The following NRXN1 variants were observed in gnomAD, a reference collection of about 807,000 sequenced individuals.
The protein encoded by NRXN1 is neurexin-1.
NRXN1 carries 39 observed loss-of-function variants against 150.9 expected under a neutral mutation model. That is an observed-to-expected ratio of 0.26 (90% CI 0.20 to 0.34). The LOEUF (loss-of-function observed/expected upper bound fraction) is 0.34. NRXN1 is among the 10% of genes least tolerant of loss of function. The pLI, the probability that NRXN1 is intolerant of heterozygous loss-of-function variation, is 1.00. For synonymous variants in NRXN1, 924 were observed against 757.0 expected, an observed-to-expected ratio of 1.22 and a Z score of -3.62; for missense variants, 1,815 against 1,949.9, an observed-to-expected ratio of 0.93 and a Z score of 1.30.
intron 8 of NRXN1, among the ~76,000 whole-genome samples, chr2:50,582,043 T>C (rs28470279): frequency 6.6e-6 from 1 of 152,178 alleles, no homozygotes; most frequent in African/African-American, 2.4e-5. Flanking sequence ...TAGTGAAATC[T>C]GTTTGAGAAC....
At chr2:50,430,307 T>C (rs1306473244) in intron 17 of NRXN1, among the ~76,000 whole-genome samples, 1 of 151,496 alleles carries the variant, frequency 6.6e-6, no homozygotes, top group Non-Finnish European at 1.5e-5. Flanking sequence ...TAATTTCACT[T>C]TAATCTCAAT....
chr2:50,976,701 G>C (rs1695899757), intron 2 of NRXN1, among the ~76,000 whole-genome samples: 1 of 151,906 alleles, frequency 6.6e-6, no homozygotes, highest in Non-Finnish European at 1.5e-5. Context: ...ATTTCAGTAA[G>C]ATGAAAATTG....
At chr2:50,681,326 T>C (rs1470515742) in intron 5 of NRXN1, among the ~76,000 whole-genome samples, 1 of 152,228 alleles carries the variant, frequency 6.6e-6, no homozygotes, top group Non-Finnish European at 1.5e-5. Context: ...GGAAATTGAA[T>C]GATCTTGATC....
chr2:50,287,512 G>A (rs1277042142), intron 17 of NRXN1, among the ~76,000 whole-genome samples: 3 of 151,908 alleles, frequency 2.0e-5, no homozygotes, highest in Non-Finnish European at 4.4e-5. Context: ...AGATCACATT[G>A]TCTGAATATT....
intron 8 of NRXN1, chr2:50,588,946 T>C (rs1217702538): frequency 1.3e-5 from 2 of 152,152 alleles, no homozygotes; most frequent in East Asian, 3.9e-4. Context: ...GGAAACCAAT[T>C]GATTTCATAG....
chr2:50,983,619 G>T (rs907156819), intron 2 of NRXN1, among the ~76,000 whole-genome samples: 2 of 152,012 alleles, frequency 1.3e-5, no homozygotes, highest in African/African-American at 4.8e-5. Context: ...ACATTTATTT[G>T]CCTACATACA....
At chr2:50,119,996 G>T (rs934653786) in intron 18 of NRXN1, among the ~76,000 whole-genome samples, 1 of 152,188 alleles carries the variant, frequency 6.6e-6, no homozygotes, top group African/African-American at 2.4e-5. Context: ...TTTAACACGT[G>T]TACCCAATTA....
At chr2:50,250,075 T>C (rs1261095976) in intron 17 of NRXN1, among the ~76,000 whole-genome samples, 1 of 152,198 alleles carries the variant, frequency 6.6e-6, no homozygotes, top group Non-Finnish European at 1.5e-5. Flanking sequence ...TTCTTACCTC[T>C]TAATTTAAAT....
intron 17 of NRXN1, among the ~76,000 whole-genome samples, chr2:50,450,878 T>A (rs1451650974): frequency 6.6e-6 from 1 of 152,210 alleles, no homozygotes; most frequent in East Asian, 1.9e-4. Context: ...GATAACCTCA[T>A]GAAAAGTTAC....
At chr2:50,730,133 T>G (rs1002383891) in intron 5 of NRXN1, among the ~76,000 whole-genome samples, 1 of 152,184 alleles carries the variant, frequency 6.6e-6, no homozygotes, top group Non-Finnish European at 1.5e-5. Context: ...GAAGAGTTTT[T>G]TTTCACATTT....
In NRXN1 at chr2:50,872,167, A is replaced by G. The variant is rs557864091; in HGVS notation, c.832+49702T>C. On this transcript the variant is annotated intron_variant, in intron 5 of 22. Coordinates refer to ENST00000401669, the MANE Select transcript of NRXN1 (RefSeq NM_001330078.2). ...TTAGTTACTCTTTTATATATTTTTC[A>G]TATTTCTTCTTTATATATAATGTGA... is the stretch of plus-strand genomic sequence containing the variant. Among the ~76,000 whole-genome samples the G allele has an allele frequency of 7.2e-5, 11 of 151,796 alleles. No homozygotes were observed. In the South Asian group the frequency reaches 2.3e-3, roughly 32 times the overall value.
At chr2:50,732,255 AG>A (rs1698191930) in intron 5 of NRXN1, among the ~76,000 whole-genome samples, 1 of 152,184 alleles carries the variant, frequency 6.6e-6, no homozygotes, top group Non-Finnish European at 1.5e-5. Flanking sequence ...CTAAGTAAAA[AG>A]GAAAGAAGTC....
chr2:50,644,135 T>C (rs532598719), intron 5 of NRXN1, among the ~76,000 whole-genome samples: 1 of 151,786 alleles, frequency 6.6e-6, no homozygotes, highest in South Asian at 2.1e-4. Context: ...AAGATTTTTA[T>C]ATTCCTAGGA....
At position 50,512,081 on chromosome 2, in the gene NRXN1, T is replaced by TA. The variant is rs548444639; in HGVS notation, c.2375-5465dup. Among the ~76,000 whole-genome samples the TA allele has an allele frequency of 1.2e-3, 184 of 148,928 alleles. 2 individuals are homozygous for TA. The highest frequency in any genetic ancestry group is 1.5e-3 in the Admixed American group (23 of 14,860). ...ATGATAATCCCATATAAAAGCATAT[T>TA]AAAAAAAAAACTTTCCTACAGCCAA... On this transcript the variant is annotated intron_variant, in intron 12 of 22. Coordinates refer to ENST00000401669, the MANE Select transcript of NRXN1 (RefSeq NM_001330078.2).
chr2:50,379,728 G>A (rs778198489), intron 17 of NRXN1, among the ~76,000 whole-genome samples: 3 of 152,086 alleles, frequency 2.0e-5, no homozygotes, highest in African/African-American at 7.2e-5. Flanking sequence ...TGTAAAAAAG[G>A]AGGAAATCTC....
At chr2:50,302,919 ATCCAT>A in intron 17 of NRXN1, among the ~76,000 whole-genome samples, 1 of 8,960 alleles carries the variant, frequency 1.1e-4, no homozygotes, top group Non-Finnish European at 2.0e-4. Flanking sequence ...CAGGCCATCC[ATCCAT>A]CCATCCATCC....
intron 21 of NRXN1, among the ~76,000 whole-genome samples, chr2:50,001,776 G>A (rs955688451): frequency 7.2e-5 from 11 of 152,030 alleles, no homozygotes; most frequent in African/African-American, 2.7e-4. Context: ...AGACTGATAA[G>A]TAATTTCTGC....
At chr2:51,011,620 T>A (rs1406272612) in intron 2 of NRXN1, among the ~76,000 whole-genome samples, 1 of 151,982 alleles carries the variant, frequency 6.6e-6, no homozygotes, top group Non-Finnish European at 1.5e-5. Context: ...CCCCAAGACA[T>A]GTGAACACAA....
intron 18 of NRXN1, among the ~76,000 whole-genome samples, chr2:50,157,626 T>C (rs1227281181): frequency 2.0e-5 from 3 of 151,740 alleles, no homozygotes; most frequent in Non-Finnish European, 4.4e-5. Flanking sequence ...GATTTGGCCA[T>C]AGGGAAGGTG....
Sources: gnomAD v4.1 joint callset for allele counts (sites outside exome capture counted in the v4.1 genomes callset) on GRCh38, gnomAD v4.1.1 for gene constraint, MANE v1.5 for transcripts, NCBI Gene and HGNC (gene_info 2026-07-23, HGNC 2026-07-21) for gene names.